The following CFAP251 variants were observed in gnomAD, a reference collection of about 807,000 sequenced individuals.
CFAP251 encodes the protein cilia and flagella associated protein 251.
Under a neutral mutation model 126.7 loss-of-function variants are expected in CFAP251, and 93 were observed. That is an observed-to-expected ratio of 0.73 (90% CI 0.62 to 0.87). The LOEUF is 0.87. Ranked by LOEUF, CFAP251 falls within the 40% of genes least tolerant of loss-of-function variation. The pLI, the probability that CFAP251 is intolerant of heterozygous loss-of-function variation, is 0.00. For missense variants in CFAP251, 1,287 were observed against 1,389.2 expected (o/e 0.93, Z 1.17); for synonymous variants, 503 against 506.9 (o/e 0.99, Z 0.10).
chr12:121,957,823 C>T lies in CFAP251; in HGVS notation c.1731-449C>T, dbSNP rs76784874. 1.3e-3 allele frequency among the ~76,000 whole-genome samples: 197 copies of T among 152,092 alleles called. 6 individuals are homozygous for T. In the East Asian group the frequency reaches 0.036, roughly 28 times the overall value. On this transcript the variant is annotated intron_variant, in intron 11 of 21. Coordinates refer to ENST00000288912, the MANE Select transcript of CFAP251 (RefSeq NM_144668.6). Reference sequence around the variant, plus strand: ...CCTCTGTTGAGTCTGGAGTCTTTTGCTGCAGGTTGGTCTCTTTTCTCTAAG... The same window carrying T: ...CCTCTGTTGAGTCTGGAGTCTTTTGTTGCAGGTTGGTCTCTTTTCTCTAAG...
chr12:121,951,451 G>T (rs755568493), intron 8 of CFAP251, 29 bp from the exon 9 acceptor site: 2 of 1,478,232 alleles, frequency 1.4e-6, no homozygotes, highest in African/African-American at 1.4e-5. Context: ...GGGTCTTTTT[G>T]AGTAGTGATT....
chr12:121,988,023 A>G (rs929737683), intron 19 of CFAP251, among the ~76,000 whole-genome samples: 6 of 152,110 alleles, frequency 3.9e-5, no homozygotes, highest in Non-Finnish European at 8.8e-5. Context: ...TTTCATAACA[A>G]GCATGTTTCA....
intron 10 of CFAP251, chr12:121,955,788 T>A (rs146332296): frequency 6.6e-6 from 1 of 152,190 alleles, no homozygotes; most frequent in African/African-American, 2.4e-5. Flanking sequence ...AGAACTGCAG[T>A]TGGCCATGCA....
At chr12:121,990,310 G>A (rs1050012303) in intron 19 of CFAP251, among the ~76,000 whole-genome samples, 3 of 152,130 alleles carry the variant, frequency 2.0e-5, no homozygotes, top group African/African-American at 4.8e-5. Flanking sequence ...CAGCAGCCCC[G>A]GGGCACCCTT....
chr12:121,962,644 G>A (rs1179037842), intron 15 of CFAP251, among the ~76,000 whole-genome samples: 1 of 151,650 alleles, frequency 6.6e-6, no homozygotes, highest in Non-Finnish European at 1.5e-5. Context: ...GTGATGCAAT[G>A]GCGTGAACAA....
intron 7 of CFAP251, among the ~76,000 whole-genome samples, chr12:121,945,352 C>CT (rs869230178): frequency 7.6e-5 from 9 of 118,316 alleles, no homozygotes; most frequent in African/African-American, 1.3e-4. Flanking sequence ...CTTTTCTTTT[C>CT]TTTTTTTTTG....
In CFAP251 at chr12:122,003,741, G is replaced by C; in HGVS notation, c.3427G>C (p.Asp1143His). 1 of 1,609,638 alleles carries C rather than the reference G, an allele frequency of 6.2e-7. No homozygotes were observed. Among genetic ancestry groups the C allele is most frequent in the Non-Finnish European group, 8.5e-7 (1 of 1,178,662 alleles). Residue 1143 changes from aspartate (D) to histidine (H), a missense_variant, in exon 22 of 22, where the codon GAT (aspartate) becomes CAT (histidine). Asp to His is a moderately conservative substitution (Grantham distance 81). Coordinates refer to ENST00000288912, the MANE Select transcript of CFAP251 (RefSeq NM_144668.6). The part of the protein sequence containing the change: ...TEILGLTISE[D>H]SGQDGQ ...AATTCTTGGCTTAACCATTTCAGAA[G>C]ATTCCGGCCAGGATGGTCAGTGAAG... is the stretch of plus-strand genomic sequence containing the variant.
intron 15 of CFAP251, among the ~76,000 whole-genome samples, chr12:121,965,550 G>T (rs1208786221): frequency 1.3e-5 from 2 of 152,042 alleles, no homozygotes; most frequent in Non-Finnish European, 2.9e-5. Context: ...ACAATGGTTT[G>T]TCAGTACACT....
chr12:121,927,164 A>G (rs1436134287), intron 3 of CFAP251, among the ~76,000 whole-genome samples: 6 of 145,764 alleles, frequency 4.1e-5, no homozygotes, highest in African/African-American at 1.5e-4. Flanking sequence ...CACATGGCTC[A>G]CATTTAGTTT....
At chr12:121,999,631 A>T in intron 19 of CFAP251, 85 bp from the exon 20 acceptor site, 1 of 1,056,854 alleles carries the variant, frequency 9.5e-7, no homozygotes. Flanking sequence ...CCGCTGCACC[A>T]GCCCTACTGT....
At chr12:121,928,672 A>ATATATATATACG (rs1880541180) in intron 3 of CFAP251, among the ~76,000 whole-genome samples, 3 of 19,312 alleles carry the variant, frequency 1.6e-4, no homozygotes, top group African/African-American at 1.1e-3. Context: ...ATATATACGT[A>ATATATATATACG]TATATATATA....
intron 14 of CFAP251, 85 bp downstream of exon 14, chr12:121,960,843 C>A: frequency 6.9e-7 from 1 of 1,442,762 alleles, no homozygotes; most frequent in Non-Finnish European, 9.6e-7. Flanking sequence ...TAGAGCCAGG[C>A]CCACAGTACG....
intron 9 of CFAP251, 115 bp downstream of exon 9, chr12:121,951,645 A>C: frequency 1.4e-6 from 1 of 711,708 alleles, no homozygotes; most frequent in Non-Finnish European, 2.3e-6. Flanking sequence ...GCTACTGGGA[A>C]ATAATTTGAA....
chr12:121,993,579 C>G (rs1179341085), intron 19 of CFAP251, among the ~76,000 whole-genome samples: 1 of 142,034 alleles, frequency 7.0e-6, no homozygotes, highest in Non-Finnish European at 1.5e-5. Context: ...TCTGCCCGGC[C>G]GCCCATCGTC....
At chr12:121,954,636 T>TAAA (rs1174239421) in intron 10 of CFAP251, among the ~76,000 whole-genome samples, 447 of 41,970 alleles carry the variant, frequency 0.011, 75 homozygotes, top group African/African-American at 0.021. Flanking sequence ...CCTCCTGTCT[T>TAAA]AAAAAAAAAA....
intron 2 of CFAP251, 96 bp from the exon 3 acceptor site, chr12:121,923,526 G>T: frequency 6.9e-7 from 1 of 1,453,358 alleles, no homozygotes; most frequent in Non-Finnish European, 9.2e-7. Context: ...TCCTAGGTGA[G>T]GCTAACACTA....
chr12:122,003,325 G>A (rs3741582), intron 21 of CFAP251, among the ~76,000 whole-genome samples: 8,368 of 152,176 alleles, frequency 0.055, 492 homozygotes, highest in East Asian at 0.22. Flanking sequence ...TAATCCCAGC[G>A]CTTTGGGAGT....
intron 19 of CFAP251, among the ~76,000 whole-genome samples, chr12:121,981,208 C>T (rs1267822757): frequency 1.3e-5 from 2 of 152,066 alleles, no homozygotes; most frequent in African/African-American, 4.8e-5. Flanking sequence ...TGGCTCACAC[C>T]TGTAGTCCTA....
chr12:121,960,672 C>T lies in CFAP251; in HGVS notation c.2221C>T (p.Arg741Cys), dbSNP rs1427374175. Residue 741 changes from arginine to cysteine, a missense_variant, in exon 14 of 22, where the codon CGC becomes TGC. Transcript: ENST00000288912. ...WEYLARLRSH[R>C]KSIRSLLFGV... is the part of the protein sequence containing the mutation. Reference sequence around the variant, plus strand: ...GTACTTAGCAAGACTTCGCTCTCATCGCAAAAGCATTCGAAGTCTCCTGTT... The same window carrying T: ...GTACTTAGCAAGACTTCGCTCTCATTGCAAAAGCATTCGAAGTCTCCTGTT... 1.2e-6 allele frequency: 2 copies of T among 1,614,094 alleles called. No homozygotes were observed. The highest frequency in any genetic ancestry group is 1.7e-6 in the Non-Finnish European group (2 of 1,179,988).
Sources: gnomAD v4.1 joint callset for allele counts (sites outside exome capture counted in the v4.1 genomes callset) on GRCh38, gnomAD v4.1.1 for gene constraint, MANE v1.5 for transcripts, NCBI Gene and HGNC (gene_info 2026-07-23, HGNC 2026-07-21) for gene names.